The following HOXC6 variants were observed in gnomAD, a reference collection of about 807,000 sequenced individuals.
HOXC6 encodes the protein homeobox C6.
Under a neutral mutation model 24.0 loss-of-function variants are expected in HOXC6, and 10 were observed. That is an observed-to-expected ratio of 0.42 (90% CI 0.26 to 0.71). The LOEUF (loss-of-function observed/expected upper bound fraction) is 0.71. Ranked by LOEUF, HOXC6 falls within the 30% of genes least tolerant of loss-of-function variation. HOXC6 has a pLI of 0.28. For synonymous variants in HOXC6, 123 were observed against 128.1 expected (o/e 0.96, Z 0.27); for missense variants, 258 against 303.4 (o/e 0.85, Z 1.11).
upstream of HOXC6, among the ~76,000 whole-genome samples, chr12:54,027,216 G>A (rs1694834278): frequency 6.6e-6 from 1 of 152,204 alleles, no homozygotes; most frequent in Non-Finnish European, 1.5e-5. Context: ...AATAAAATGG[G>A]CGTTGAGGTT....
At chr12:54,026,969 G>GA (rs551975494), upstream of HOXC6, among the ~76,000 whole-genome samples, 1 of 137,760 alleles carries the variant, frequency 7.3e-6, no homozygotes, top group African/African-American at 2.6e-5. Flanking sequence ...AATGGTGGGG[G>GA]GGGGGGGATA....
intron 1 of HOXC6, 152 bp from the exon 2 acceptor site, chr12:54,029,503 G>A (rs1175234500): frequency 1.6e-6 from 1 of 643,470 alleles, no homozygotes; most frequent in African/African-American, 1.8e-5. Flanking sequence ...CCCCCAGTGG[G>A]GGTGGGGCAA....
intron 1 of HOXC6, chr12:54,017,490 C>T (rs889747842): frequency 6.6e-6 from 1 of 151,550 alleles, no homozygotes; most frequent in Non-Finnish European, 1.5e-5. Context: ...GCAGCGGCTT[C>T]TCTTGGTTAG....
Position 54,029,968 on chromosome 12 carries a change from A to C in HOXC6, c.*6A>C, listed in dbSNP as rs1260468528. 1.3e-6 allele frequency: 2 copies of C among 1,540,404 alleles called. No homozygotes were observed. The highest frequency in any genetic ancestry group is 1.2e-5 in the South Asian group (1 of 81,330). ...AGGAGAAGCAGAAAGAGTGACCAGG[A>C]CTGTCCCTGCCACCCCTCTCTCCCT... On this transcript the variant is annotated 3_prime_UTR_variant, in exon 2 of 2. Coordinates refer to ENST00000243108, the MANE Select transcript of HOXC6 (RefSeq NM_004503.4).
Position 54,030,720 on chromosome 12 carries a change from A to C in HOXC6, c.*758A>C, listed in dbSNP as rs1357258492. The C allele has an allele frequency of 1.3e-5, 2 of 152,584 alleles. No homozygotes were observed. The highest frequency in any genetic ancestry group is 3.9e-4 in the East Asian group (2 of 5,144). The allele number at this position is 152,584 out of a possible 1,614,324, so 9.5% of individuals were successfully genotyped here. On this transcript the variant is annotated 3_prime_UTR_variant, in exon 2 of 2. Coordinates refer to ENST00000243108, the MANE Select transcript of HOXC6 (RefSeq NM_004503.4). ...ACGTTTGTTTAGCCAGTAGGAGAAA[A>C]TAAATAAATAAATAAATCCCTTCGT...
chr12:54,025,618 C>A (rs574868289), upstream of HOXC6, among the ~76,000 whole-genome samples: 9 of 152,216 alleles, frequency 5.9e-5, no homozygotes, highest in South Asian at 8.3e-4. Flanking sequence ...CTTCTCTCCC[C>A]CTTCCAGCAT....
chr12:54,019,319 C>T (rs960710046), intron 1 of HOXC6, among the ~76,000 whole-genome samples: 1 of 152,170 alleles, frequency 6.6e-6, no homozygotes, highest in Non-Finnish European at 1.5e-5. Context: ...CTGCCGCGCG[C>T]TCTCCCGCCG....
upstream of HOXC6, among the ~76,000 whole-genome samples, chr12:54,024,831 C>G (rs939181203): frequency 6.6e-6 from 1 of 152,222 alleles, no homozygotes; most frequent in Non-Finnish European, 1.5e-5. Flanking sequence ...GACTGCACCC[C>G]ACTCAGGTCC....
upstream of HOXC6, chr12:54,028,344 G>T: frequency 1.7e-6 from 1 of 603,048 alleles, no homozygotes; most frequent in African/African-American, 1.9e-5. Flanking sequence ...AAGCAGAAGC[G>T]ATTTTTTTCC....
chr12:54,020,451 T>C (rs1236753548), intron 1 of HOXC6: 1 of 152,206 alleles, frequency 6.6e-6, no homozygotes, highest in Admixed American at 6.5e-5. Flanking sequence ...GGTCTGACAG[T>C]TGTGATCCCG....
chr12:54,018,477 G>A (rs902495090), intron 1 of HOXC6, among the ~76,000 whole-genome samples: 4 of 152,240 alleles, frequency 2.6e-5, no homozygotes, highest in African/African-American at 9.6e-5. Context: ...AGAGGCGTCA[G>A]CCTGGGGCGG....
At chr12:54,018,950 G>T (rs1165339934) in intron 1 of HOXC6, among the ~76,000 whole-genome samples, 1 of 152,118 alleles carries the variant, frequency 6.6e-6, no homozygotes, top group Non-Finnish European at 1.5e-5. Flanking sequence ...CCTGTGGGGG[G>T]GCGGGGATGG....
upstream of HOXC6, among the ~76,000 whole-genome samples, chr12:54,026,764 C>G (rs968369564): frequency 6.6e-6 from 1 of 152,168 alleles, no homozygotes; most frequent in Non-Finnish European, 1.5e-5. Flanking sequence ...ATTTTTCCCC[C>G]CTAGCGACAC....
chr12:54,020,232 ACT>A (rs1439348460), intron 1 of HOXC6: 2 of 151,996 alleles, frequency 1.3e-5, no homozygotes, highest in Non-Finnish European at 1.5e-5. Flanking sequence ...TGGCTCAAGG[ACT>A]CTGCACACCC....
In HOXC6 at chr12:54,030,281, A is replaced by T. The variant is rs1940933118; in HGVS notation, c.*319A>T. The T allele has an allele frequency of 5.2e-6, 1 of 192,518 alleles. No individual in the cohort carries two copies. Among genetic ancestry groups the T allele is most frequent in the Non-Finnish European group, 1.1e-5 (1 of 94,066 alleles). The allele number at this position is 192,518 out of a possible 1,614,324, so 11.9% of individuals were successfully genotyped here. ...TCTACAGATTGCCCTCCAAGTGAGGACTTGGCTCCCCCACTCCTTCGACGC... is the reference window on the plus strand; with the variant it reads ...TCTACAGATTGCCCTCCAAGTGAGGTCTTGGCTCCCCCACTCCTTCGACGC... On this transcript the variant is annotated 3_prime_UTR_variant, in exon 2 of 2. Transcript: ENST00000243108.
upstream of HOXC6, among the ~76,000 whole-genome samples, chr12:54,026,391 A>G (rs1445527160): frequency 6.6e-6 from 1 of 152,226 alleles, no homozygotes; most frequent in Non-Finnish European, 1.5e-5. Context: ...TCTAGGGCAA[A>G]AAGCAACTCA....
At chr12:54,023,722 A>G (rs1940552806), upstream of HOXC6, among the ~76,000 whole-genome samples, 1 of 152,204 alleles carries the variant, frequency 6.6e-6, no homozygotes, top group South Asian at 2.1e-4. Context: ...TAGGTGTGTC[A>G]AATTTCACTT....
chr12:54,023,698 A>G (rs957755554), upstream of HOXC6, among the ~76,000 whole-genome samples: 5 of 152,162 alleles, frequency 3.3e-5, no homozygotes, highest in African/African-American at 4.8e-5. Flanking sequence ...CCCAAATGAT[A>G]TCCATTTCTG....
chr12:54,022,279 A>T (rs1940483858), intron 1 of HOXC6: 1 of 152,124 alleles, frequency 6.6e-6, no homozygotes, highest in Non-Finnish European at 1.5e-5. Context: ...ATAGCATGTC[A>T]TTCTTCTCCC....
Sources: allele counts gnomAD v4.1 joint callset (sites outside exome capture counted in the v4.1 genomes callset), GRCh38; gene constraint gnomAD v4.1.1; transcripts MANE v1.5; gene names NCBI Gene and HGNC (gene_info 2026-07-23, HGNC 2026-07-21).